The following ASMTL variants were observed in gnomAD, a reference collection of about 807,000 sequenced individuals.
ASMTL encodes acetylserotonin O-methyltransferase like.
Under a neutral mutation model 60.3 loss-of-function variants are expected in ASMTL, and 57 were observed. The ratio of observed to expected loss-of-function variants is 0.95; its 90% confidence interval spans 0.76 to 1.18. The LOEUF (loss-of-function observed/expected upper bound fraction) is 1.18. ASMTL is among the 50% of genes most tolerant of loss of function. ASMTL has a pLI of 0.00. For synonymous variants in ASMTL, 419 were observed against 373.0 expected (o/e 1.12, Z -1.42); for missense variants, 981 against 852.6 (o/e 1.15, Z -1.88).
At chrX:1,424,790 T>G (rs1184592058) in intron 8 of ASMTL, among the ~76,000 whole-genome samples, 1 of 137,376 alleles carries the variant, frequency 7.3e-6, no homozygotes, top group Admixed American at 7.2e-5. Flanking sequence ...ATCCATCCAC[T>G]TACCCACCCA....
intron 12 of ASMTL, among the ~76,000 whole-genome samples, chrX:1,405,933 G>A (rs2089813972): frequency 6.6e-6 from 1 of 151,672 alleles, no homozygotes; most frequent in Admixed American, 6.6e-5. Context: ...TGAGTGGATG[G>A]ATGGATGAAT....
At position 1,430,765 on chromosome X, in the gene ASMTL, G is replaced by C. The variant is rs187206730; in HGVS notation, c.509+1504C>G. On this transcript the variant is annotated intron_variant, in intron 6 of 12. Coordinates refer to ENST00000381317, the MANE Select transcript of ASMTL (RefSeq NM_004192.4). ...CCAGCCTGGGTGACAGAGTGAGACC[G>C]TGTCTCAAAAAAATAAATAAAATTA... is the stretch of plus-strand genomic sequence containing the variant. Among the ~76,000 whole-genome samples, 1,158 of 148,318 alleles carry C rather than the reference G, an allele frequency of 7.8e-3. 23 individuals carry two copies. Among genetic ancestry groups the C allele is most frequent in the African/African-American group, 0.027 (1,090 of 39,754 alleles).
rs1343138652 is a variant in ASMTL, at chrX:1,441,971, A to C, written c.225+215T>G. The C allele has an allele frequency of 1.8e-4, 102 of 578,852 alleles. 1 individual carries two copies. Among genetic ancestry groups the C allele is most frequent in the Non-Finnish European group, 2.8e-4 (92 of 324,862 alleles). The allele number at this position is 578,852 out of a possible 1,614,324, so 35.9% of individuals were successfully genotyped here. A position where few individuals can be genotyped will look rare whatever the true frequency, so the allele number is the denominator to read the frequency against. On this transcript the variant is annotated intron_variant, in intron 2 of 12. Coordinates refer to ENST00000381317, the MANE Select transcript of ASMTL (RefSeq NM_004192.4). ...CAATTGCAAGAGAATATTATAACACACAGTAACAGATAAGCTCCATTAATT... is the reference window on the plus strand; with the variant it reads ...CAATTGCAAGAGAATATTATAACACCCAGTAACAGATAAGCTCCATTAATT...
chrX:1,433,265 C>T (rs1390338369), intron 5 of ASMTL, among the ~76,000 whole-genome samples: 2 of 151,798 alleles, frequency 1.3e-5, no homozygotes, highest in Non-Finnish European at 2.9e-5. Context: ...TAATGAGGGG[C>T]CTTTTGGAAA....
intron 5 of ASMTL, among the ~76,000 whole-genome samples, chrX:1,432,708 A>C (rs28510416): frequency 0.012 from 828 of 68,472 alleles, 2 homozygotes; most frequent in Non-Finnish European, 0.018. Flanking sequence ...AGGTGCCTGT[A>C]GTCCCAGCTA....
chrX:1,411,154 A>C (rs139402818), intron 12 of ASMTL, among the ~76,000 whole-genome samples: 2,508 of 152,210 alleles, frequency 0.016, 72 homozygotes, highest in African/African-American at 0.057. Flanking sequence ...ACTGCACTCC[A>C]GCCTGGGCGA....
intron 8 of ASMTL, among the ~76,000 whole-genome samples, chrX:1,422,803 C>T (rs2090516819): frequency 1.3e-5 from 2 of 152,054 alleles, no homozygotes; most frequent in African/African-American, 4.8e-5. Context: ...AATGATGAGA[C>T]CTATGGTGAA....
intron 2 of ASMTL, among the ~76,000 whole-genome samples, chrX:1,440,942 A>G (rs1296230643): frequency 6.6e-5 from 10 of 152,130 alleles, no homozygotes; most frequent in Non-Finnish European, 1.3e-4. Flanking sequence ...ATCGTAACTG[A>G]TATTACTATA....
At chrX:1,406,086 GGATGGGT>G (rs2089824127) in intron 12 of ASMTL, among the ~76,000 whole-genome samples, 1 of 149,324 alleles carries the variant, frequency 6.7e-6, no homozygotes, top group Admixed American at 6.7e-5. Flanking sequence ...TGAGATGGAT[GGATGGGT>G]GAATAAATGG....
rs188208785 is a variant in ASMTL at position 1,434,349 on chromosome X, G to C, written c.400+673C>G. Among the ~76,000 whole-genome samples the C allele has an allele frequency of 2.0e-5, 3 of 152,080 alleles. No individual in the cohort carries two copies. In the East Asian group the frequency reaches 5.8e-4, roughly 29 times the overall value. On this transcript the variant is annotated intron_variant, in intron 5 of 12. Transcript: ENST00000381317. ...TATAAAAAATACAAAAATGAGCCAGGTGTGGTGGCGTGTGCCTGTAGTTTC... is the reference window on the plus strand; with the variant it reads ...TATAAAAAATACAAAAATGAGCCAGCTGTGGTGGCGTGTGCCTGTAGTTTC...
At chrX:1,442,607 G>A (rs1312540590) in intron 1 of ASMTL, among the ~76,000 whole-genome samples, 2 of 152,106 alleles carry the variant, frequency 1.3e-5, no homozygotes, top group East Asian at 3.9e-4. Flanking sequence ...AAGAAGCCAG[G>A]AACAAAGAGG....
At position 1,421,826 on chromosome X, in the gene ASMTL, C is replaced by T. The variant is rs1177070504; in HGVS notation, c.1077G>A (p.Glu359=). Residue 359 remains glutamate, a synonymous_variant, in exon 9 of 13, where the codon GAG becomes GAA. Transcript: ENST00000381317. ...EKTEQGYSNT[E]TANVYLASDG... is the part of the protein sequence containing the mutation. ...CCGATGCCAGGTAGACGTTCGCTGTCTCTGTGTTACTGTAACCTGGAGAAA... is the reference window on the plus strand; with the variant it reads ...CCGATGCCAGGTAGACGTTCGCTGTTTCTGTGTTACTGTAACCTGGAGAAA... 4.3e-6 allele frequency: 7 copies of T among 1,613,726 alleles called. No homozygotes were observed. Among genetic ancestry groups the T allele is most frequent in the Admixed American group, 1.7e-5 (1 of 59,966 alleles).
intron 1 of ASMTL, among the ~76,000 whole-genome samples, chrX:1,450,746 C>T (rs1249794179): frequency 1.3e-5 from 2 of 148,452 alleles, no homozygotes; most frequent in African/African-American, 2.5e-5. Flanking sequence ...TCTCCCCTCC[C>T]CCATCCCTAG....
At chrX:1,417,411 C>CACAG (rs780901738) in intron 11 of ASMTL, among the ~76,000 whole-genome samples, 138,090 of 151,136 alleles carry the variant, frequency 0.91, 64,082 homozygotes, top group East Asian at 1. Context: ...GACACGTGGA[C>CACAG]ACACAGTCTC....
Position 1,448,600 on chromosome X carries a change from GCCATCTTGGATAAGCACCA to G in ASMTL, c.93+4129_93+4147del, listed in dbSNP as rs1374114037. Among the ~76,000 whole-genome samples the G allele has an allele frequency of 3.3e-5, 4 of 121,294 alleles. No individual in the cohort carries two copies. In the Admixed American group the frequency reaches 3.7e-4, roughly 11 times the overall value. The allele number at this position is 121,294 out of a possible 152,430, so 79.6% of individuals were successfully genotyped here. A position where few individuals can be genotyped will look rare whatever the true frequency, so the allele number is the denominator to read the frequency against. On this transcript the variant is annotated intron_variant, in intron 1 of 12. Transcript: ENST00000381317. ...ACACACACCATCTTGGACACACACG[GCCATCTTGGATAAGCACCA>G]CCATCTTGGACACACACCGCCATCT...
intron 1 of ASMTL, 32 bp from the exon 2 acceptor site, chrX:1,442,349 A>G (rs147360525): frequency 0.01 from 16,369 of 1,612,276 alleles, 178 homozygotes; most frequent in South Asian, 0.04. Flanking sequence ...CAGAAGGGTC[A>G]ATGAAAGACC....
rs1372827247 is a variant in ASMTL at position 1,437,335 on chromosome X, G to C, written c.274-1577C>G. Among the ~76,000 whole-genome samples, 13 of 149,534 alleles carry C rather than the reference G, an allele frequency of 8.7e-5. No homozygotes were observed. The South Asian group carries it at 1.3e-3, about 15-fold the overall frequency. ...GAGGTGTCTTAGTCCATTTCAGGCTGCTAAAACAATACTATAGACTGGGTG... is the reference window on the plus strand; with the variant it reads ...GAGGTGTCTTAGTCCATTTCAGGCTCCTAAAACAATACTATAGACTGGGTG... On this transcript the variant is annotated intron_variant, in intron 3 of 12. Coordinates refer to ENST00000381317, the MANE Select transcript of ASMTL (RefSeq NM_004192.4).
Position 1,433,812 on chromosome X carries a change from C to T in ASMTL, c.400+1210G>A, listed in dbSNP as rs759181259. Among the ~76,000 whole-genome samples, 22 of 152,268 alleles carry T rather than the reference C, an allele frequency of 1.4e-4. No homozygotes were observed. In the South Asian group the frequency reaches 3.9e-3, roughly 27 times the overall value. On this transcript the variant is annotated intron_variant, in intron 5 of 12. Coordinates refer to ENST00000381317, the MANE Select transcript of ASMTL (RefSeq NM_004192.4). Reference sequence around the variant, plus strand: ...CATACATCCTGCACCCAGCACCCTGCGCTGTGCCTGGCTTCTGTCTGGCAC... The same window carrying T: ...CATACATCCTGCACCCAGCACCCTGTGCTGTGCCTGGCTTCTGTCTGGCAC...
intron 5 of ASMTL, among the ~76,000 whole-genome samples, chrX:1,433,935 G>C (rs28616689): frequency 1.3e-5 from 2 of 151,936 alleles, no homozygotes; most frequent in Admixed American, 6.6e-5. Context: ...AACCTGAGCA[G>C]GTGCTTGCAG....
Sources: allele counts gnomAD v4.1 joint callset (sites outside exome capture counted in the v4.1 genomes callset), GRCh38; gene constraint gnomAD v4.1.1; transcripts MANE v1.5; gene names NCBI Gene and HGNC (gene_info 2026-07-23, HGNC 2026-07-21).